ZNF577: variants seen among roughly 807,000 people sequenced by gnomAD.
The protein encoded by ZNF577 is zinc finger protein 577.
ZNF577 carries 14 observed loss-of-function variants against 13.9 expected under a neutral mutation model. The observed-to-expected ratio is 1.00, with a 90% CI of 0.66 to 1.57. ZNF577 has a LOEUF of 1.57. ZNF577 is among the 40% of genes most tolerant of loss of function. The pLI, the probability that ZNF577 is intolerant of heterozygous loss-of-function variation, is 0.00. For synonymous variants in ZNF577, 203 were observed against 202.9 expected, an observed-to-expected ratio of 1.00 and a Z score of 0.00; for missense variants, 555 against 579.2, an observed-to-expected ratio of 0.96 and a Z score of 0.43.
intron 9 of ZNF577, chr19:51,826,036 C>G (rs938937709): frequency 4.9e-5 from 8 of 164,858 alleles, no homozygotes; most frequent in African/African-American, 1.7e-4. Flanking sequence ...TTGTTTAAAT[C>G]ATGAATGAAT....
At chr19:51,874,414 C>A (rs1200446745) in intron 5 of ZNF577, among the ~76,000 whole-genome samples, 1 of 145,512 alleles carries the variant, frequency 6.9e-6, no homozygotes, top group Non-Finnish European at 1.5e-5. Flanking sequence ...ATGCAAAGAA[C>A]AAAATAAAGA....
At chr19:51,806,183 G>T (rs2084057421) in intron 10 of ZNF577, among the ~76,000 whole-genome samples, 1 of 152,174 alleles carries the variant, frequency 6.6e-6, no homozygotes, top group Non-Finnish European at 1.5e-5. Context: ...CTCAGGCTCA[G>T]CTGACTCATG....
intron 9 of ZNF577, among the ~76,000 whole-genome samples, chr19:51,818,306 G>C (rs1186830471): frequency 2.0e-5 from 3 of 152,050 alleles, no homozygotes; most frequent in East Asian, 3.8e-4. Context: ...TATATTATTG[G>C]TGTTAATTTC....
intron 9 of ZNF577, among the ~76,000 whole-genome samples, chr19:51,823,520 G>A (rs1170784704): frequency 6.6e-6 from 1 of 152,100 alleles, no homozygotes; most frequent in Non-Finnish European, 1.5e-5. Flanking sequence ...TTGGTAATCA[G>A]CTTGATAGGT....
At chr19:51,826,959 C>A (rs2084235226) in intron 9 of ZNF577, among the ~76,000 whole-genome samples, 1 of 152,116 alleles carries the variant, frequency 6.6e-6, no homozygotes, top group Non-Finnish European at 1.5e-5. Flanking sequence ...AAAGACTAAT[C>A]CTAGGTTCTA....
chr19:51,843,457 TTG>T (rs531960832), intron 6 of ZNF577: 88 of 152,368 alleles, frequency 5.8e-4, no homozygotes, highest in African/African-American at 1.9e-3. Flanking sequence ...GGTTTGCACT[TTG>T]TGAGTGGAAT....
chr19:51,853,829 T>C (rs755717069), intron 5 of ZNF577, among the ~76,000 whole-genome samples: 1 of 152,200 alleles, frequency 6.6e-6, no homozygotes, highest in Non-Finnish European at 1.5e-5. Flanking sequence ...GAAGGTGTTG[T>C]GCTTTGTAGG....
rs2084221683 is a variant in ZNF577 at position 51,824,950 on chromosome 19, G to A, written c.*600-13276C>T. The A allele has an allele frequency of 4.2e-6, 3 of 715,006 alleles. No individual in the cohort carries two copies. Among genetic ancestry groups the A allele is most frequent in the South Asian group, 2.0e-5 (1 of 50,694 alleles). The allele number at this position is 715,006 out of a possible 1,614,324, so 44.3% of individuals were successfully genotyped here. ...AAAGGAAGTCTGTACCAAATCTGTA[G>A]GGGGTTTTTCCCACAACCAAGCAAT... is the stretch of plus-strand genomic sequence containing the variant. On this transcript the variant is annotated intron_variant and NMD_transcript_variant, in intron 9 of 10. Coordinates refer to the ZNF577 transcript ENST00000638827. The surrounding 1 kb of genome is among the most constrained non-coding windows in gnomAD (Gnocchi z 4.7).
At position 51,872,385 on chromosome 19, in the gene ZNF577, A is replaced by C; in HGVS notation, c.*147T>G. 1 of 632,462 alleles carries C rather than the reference A, an allele frequency of 1.6e-6. No individual in the cohort carries two copies. Among genetic ancestry groups the C allele is most frequent in the East Asian group, 2.8e-5 (1 of 35,122 alleles). 39.2% of individuals were successfully genotyped at this position (632,462 alleles called of 1,614,324 possible). The stretch of plus-strand genomic sequence containing the variant: ...CTGCATTTCTACCCAACATGATTTC[A>C]ATGGTGTTTAACAGGTTTGACTTCT... On this transcript the variant is annotated 3_prime_UTR_variant, in exon 6 of 6. Coordinates refer to ENST00000638348, the MANE Select transcript of ZNF577 (RefSeq NM_001370449.1).
At chr19:51,864,668 T>C (rs1373442598), downstream of ZNF577, among the ~76,000 whole-genome samples, 1 of 152,158 alleles carries the variant, frequency 6.6e-6, no homozygotes, top group East Asian at 1.9e-4. Context: ...CAAGGATGAC[T>C]TGAAGTTTGA....
intron 1 of ZNF577, among the ~76,000 whole-genome samples, chr19:51,885,537 G>A (rs554937688): frequency 6.6e-6 from 1 of 152,178 alleles, no homozygotes; most frequent in Non-Finnish European, 1.5e-5. Flanking sequence ...TTGAGATGGA[G>A]TTTCATTCTT....
intron 9 of ZNF577, chr19:51,823,909 G>A (rs140768137): frequency 2.4e-5 from 39 of 1,614,030 alleles, no homozygotes; most frequent in Middle Eastern, 3.3e-4. Flanking sequence ...GCTGGATTCC[G>A]GATGACACGC....
At chr19:51,838,050 C>T (rs1187170884) in intron 9 of ZNF577, among the ~76,000 whole-genome samples, 2 of 152,238 alleles carry the variant, frequency 1.3e-5, no homozygotes, top group Non-Finnish European at 2.9e-5. Context: ...CTATGCAGAA[C>T]ATTCAGCCAA....
Position 51,873,217 on chromosome 19 carries a change from T to C in ZNF577, c.773A>G (p.Asn258Ser), listed in dbSNP as rs372428716. Reference protein sequence around the residue: ...GKAFSRKCRLNRHQRSHTGEK... With the variant: ...GKAFSRKCRLSRHQRSHTGEK... ...TCCAGTATGTGATCGCTGATGTCTA[T>C]TGAGCCGGCACTTCCGGCTGAAGGC... The change falls in exon 6 of 6, where the codon AAT becomes AGT. Residue 258 changes from asparagine (N) to serine (S), a missense_variant. Coordinates refer to ENST00000638348, the MANE Select transcript of ZNF577 (RefSeq NM_001370449.1). 259 of 1,613,962 alleles carry C rather than the reference T, an allele frequency of 1.6e-4. 2 individuals are homozygous for C. The highest frequency in any genetic ancestry group is 1.0e-3 in the South Asian group (95 of 91,084).
chr19:51,807,191 A>T lies in ZNF577; in HGVS notation c.*818-1937T>A, dbSNP rs1295256171. ...GAGCTTTACACAGCCCTCCGTATTTATCAGGCAAAAGAGATAGCAGGAAGT... is the reference window on the plus strand; with the variant it reads ...GAGCTTTACACAGCCCTCCGTATTTTTCAGGCAAAAGAGATAGCAGGAAGT... On this transcript the variant is annotated intron_variant and NMD_transcript_variant, in intron 10 of 10. Coordinates refer to the ZNF577 transcript ENST00000638827. 2.7e-5 allele frequency among the ~76,000 whole-genome samples: 4 copies of T among 148,388 alleles called. No homozygotes were observed. The East Asian group carries it at 7.8e-4, about 29-fold the overall frequency.
intron 9 of ZNF577, among the ~76,000 whole-genome samples, chr19:51,830,429 C>T (rs2084256121): frequency 1.3e-5 from 2 of 152,140 alleles, no homozygotes. Flanking sequence ...ACATTTTCTC[C>T]AGAACTCATT....
intron 9 of ZNF577, among the ~76,000 whole-genome samples, chr19:51,831,105 ATTCT>A (rs569133194): frequency 8.5e-4 from 130 of 152,156 alleles, no homozygotes; most frequent in African/African-American, 2.8e-3. Flanking sequence ...GTAATTATTG[ATTCT>A]TTATTTTATT....
At chr19:51,853,395 G>A (rs78811637) in intron 5 of ZNF577, among the ~76,000 whole-genome samples, 1 of 152,130 alleles carries the variant, frequency 6.6e-6, no homozygotes, top group African/African-American at 2.4e-5. Context: ...CCAGCCTCAA[G>A]TAAAAAGTGA....
chr19:51,829,806 T>A (rs2084252366), intron 9 of ZNF577, among the ~76,000 whole-genome samples: 1 of 152,200 alleles, frequency 6.6e-6, no homozygotes. Flanking sequence ...CAAGAGCAAG[T>A]GCTGCTGAGG....
Sources: allele counts gnomAD v4.1 joint callset (sites outside exome capture counted in the v4.1 genomes callset), GRCh38; gene constraint gnomAD v4.1.1; non-coding constraint Gnocchi (gnomAD v3.1); transcripts MANE v1.5; gene names NCBI Gene and HGNC (gene_info 2026-07-23, HGNC 2026-07-21).